Variants in LSAMP observed in about 807,000 individuals in gnomAD.
LSAMP encodes the protein limbic system associated membrane protein, also known as limbic system-associated membrane protein.
LSAMP carries 7 observed loss-of-function variants against 38.6 expected under a neutral mutation model. The ratio of observed to expected loss-of-function variants is 0.18; its 90% CI spans 0.10 to 0.34. The LOEUF (loss-of-function observed/expected upper bound fraction) is 0.34. Ranked by LOEUF, LSAMP falls within the 10% of genes least tolerant of loss-of-function variation. The pLI is 1.00. For missense variants in LSAMP, 313 were observed against 420.0 expected (o/e 0.75, Z 2.23); for synonymous variants, 154 against 166.8 (o/e 0.92, Z 0.59).
chr3:116,235,738 T>C (rs1375206809), intron 1 of LSAMP, among the ~76,000 whole-genome samples: 3 of 152,208 alleles, frequency 2.0e-5, no homozygotes, highest in African/African-American at 4.8e-5. Context: ...GTTCAAAATA[T>C]GGTCTTACTA....
chr3:115,982,996 T>C (rs548381009), intron 3 of LSAMP, among the ~76,000 whole-genome samples: 3 of 151,128 alleles, frequency 2.0e-5, no homozygotes, highest in African/African-American at 7.3e-5. Context: ...GAGAGGTCAG[T>C]TGAGATTCAA....
chr3:115,960,261 G>A (rs1208465755), intron 3 of LSAMP, among the ~76,000 whole-genome samples: 3 of 152,120 alleles, frequency 2.0e-5, no homozygotes, highest in Non-Finnish European at 2.9e-5. Context: ...TACAGAAGAC[G>A]AATAATATGA....
intron 2 of LSAMP, among the ~76,000 whole-genome samples, chr3:116,072,324 C>G (rs1245372439): frequency 6.6e-6 from 1 of 152,132 alleles, no homozygotes; most frequent in Non-Finnish European, 1.5e-5. Flanking sequence ...TGGGTTGATT[C>G]TATGTCTTTC....
intron 2 of LSAMP, among the ~76,000 whole-genome samples, chr3:116,076,648 A>G (rs1388772811): frequency 6.6e-6 from 1 of 152,234 alleles, no homozygotes; most frequent in African/African-American, 2.4e-5. Context: ...CAAAAGCTCC[A>G]AAGTAATTTT....
At chr3:116,106,472 A>G (rs1227851872) in intron 1 of LSAMP, among the ~76,000 whole-genome samples, 2 of 152,206 alleles carry the variant, frequency 1.3e-5, no homozygotes, top group African/African-American at 4.8e-5. Context: ...ACCTTGTAGC[A>G]TTCTGAGGAC....
chr3:115,850,429 T>C (rs1294338710), intron 4 of LSAMP, among the ~76,000 whole-genome samples: 1 of 152,142 alleles, frequency 6.6e-6, no homozygotes, highest in Non-Finnish European at 1.5e-5. Context: ...AGGGAAGAGA[T>C]GGAAGATGAT....
intron 1 of LSAMP, among the ~76,000 whole-genome samples, chr3:116,307,685 T>C (rs1024532142): frequency 6.6e-6 from 1 of 151,988 alleles, no homozygotes; most frequent in Non-Finnish European, 1.5e-5. Flanking sequence ...AAACAAATTA[T>C]AATGCATCAA....
chr3:116,143,848 T>C (rs899464680), intron 1 of LSAMP, among the ~76,000 whole-genome samples: 5 of 151,846 alleles, frequency 3.3e-5, no homozygotes, highest in African/African-American at 4.8e-5. Context: ...CCTTTGCTAC[T>C]TTCTATAACT....
intron 1 of LSAMP, among the ~76,000 whole-genome samples, chr3:116,257,290 G>T (rs1006989914): frequency 6.6e-6 from 1 of 152,092 alleles, no homozygotes; most frequent in Non-Finnish European, 1.5e-5. Flanking sequence ...CCCTCAGAAG[G>T]CTGGGAGGTG....
intron 3 of LSAMP, among the ~76,000 whole-genome samples, chr3:115,908,593 G>A (rs950967652): frequency 6.6e-6 from 1 of 152,110 alleles, no homozygotes; most frequent in Non-Finnish European, 1.5e-5. Flanking sequence ...TTACAGATAT[G>A]CAGCCTCTGA....
chr3:116,422,930 T>C (rs1439611402), intron 1 of LSAMP, among the ~76,000 whole-genome samples: 5 of 152,340 alleles, frequency 3.3e-5, no homozygotes, highest in African/African-American at 9.6e-5. Flanking sequence ...CCACAAGCTG[T>C]AACTATCTTA....
intron 1 of LSAMP, among the ~76,000 whole-genome samples, chr3:116,183,342 T>G (rs549571672): frequency 1.6e-4 from 24 of 151,884 alleles, no homozygotes; most frequent in Admixed American, 3.3e-4. Flanking sequence ...AGGCACAGCA[T>G]AAAGTGTTGA....
intron 3 of LSAMP, among the ~76,000 whole-genome samples, chr3:115,997,713 GAT>G (rs376845636): frequency 0.051 from 4,646 of 90,848 alleles, 97 homozygotes; most frequent in South Asian, 0.068. Flanking sequence ...GACATTTTGG[GAT>G]ATATATATAT....
chr3:116,061,829 T>G (rs1304562047), intron 2 of LSAMP, among the ~76,000 whole-genome samples: 1 of 152,228 alleles, frequency 6.6e-6, no homozygotes. Context: ...TAAACAAACA[T>G]TCGTTGAATG....
chr3:116,341,164 T>C (rs2047990145), intron 1 of LSAMP, among the ~76,000 whole-genome samples: 2 of 152,048 alleles, frequency 1.3e-5, no homozygotes, highest in South Asian at 4.1e-4. Flanking sequence ...AATATAGAAA[T>C]ATCAGCAAAC....
At chr3:115,930,794 C>T (rs1576229616) in intron 3 of LSAMP, among the ~76,000 whole-genome samples, 1 of 152,214 alleles carries the variant, frequency 6.6e-6, no homozygotes, top group Middle Eastern at 3.4e-3. Flanking sequence ...TTTAGAGGTT[C>T]CTCTGCCTAA....
intron 1 of LSAMP, among the ~76,000 whole-genome samples, chr3:116,433,484 G>A (rs2107876008): frequency 6.6e-6 from 1 of 152,134 alleles, no homozygotes; most frequent in East Asian, 1.9e-4. Flanking sequence ...AAGATATACA[G>A]AAGGAAATTT....
At chr3:116,174,040 G>T (rs188433532) in intron 1 of LSAMP, among the ~76,000 whole-genome samples, 94 of 151,996 alleles carry the variant, frequency 6.2e-4, no homozygotes, top group Admixed American at 3.9e-3. Context: ...TGCCAGATTT[G>T]TGCATTGTCA....
chr3:116,421,324 C>T (rs1001387200), intron 1 of LSAMP, among the ~76,000 whole-genome samples: 8 of 152,020 alleles, frequency 5.3e-5, no homozygotes, highest in African/African-American at 1.7e-4. Flanking sequence ...AATCCCAGCA[C>T]TTTGGGAGGC....
Sources: gnomAD v4.1 joint callset for allele counts (sites outside exome capture counted in the v4.1 genomes callset) on GRCh38, gnomAD v4.1.1 for gene constraint, MANE v1.5 for transcripts, NCBI Gene and HGNC (gene_info 2026-07-23, HGNC 2026-07-21) for gene names.